CSMD1: variants seen among roughly 807,000 people sequenced by gnomAD.
CSMD1 encodes CUB and sushi domain-containing protein 1.
A neutral mutation model predicts 417.5 loss-of-function variants in CSMD1; 213 were observed. That is an observed-to-expected ratio of 0.51 (90% confidence interval 0.46 to 0.57). The LOEUF (loss-of-function observed/expected upper bound fraction) is 0.57, where lower values mean the gene tolerates loss of function less well. Among genes scored for constraint, CSMD1 ranks in the 20% least tolerant of loss-of-function variants. The pLI is 0.00. For synonymous variants in CSMD1, 2,862 were observed against 1,736.8 expected (o/e 1.65, Z -16.11); for missense variants, 6,923 against 4,529.7 (o/e 1.53, Z -15.17).
At chr8:4,247,178 T>TA (rs1338808216) in intron 3 of CSMD1, among the ~76,000 whole-genome samples, 3 of 152,222 alleles carry the variant, frequency 2.0e-5, no homozygotes, top group African/African-American at 4.8e-5. Flanking sequence ...TTATGCTCTA[T>TA]AACACAGTTT....
intron 5 of CSMD1, among the ~76,000 whole-genome samples, chr8:3,805,663 T>A (rs1279028928): frequency 6.6e-6 from 1 of 152,010 alleles, no homozygotes; most frequent in Non-Finnish European, 1.5e-5. Flanking sequence ...GCAAGTTGGG[T>A]ATTTGATTGT....
chr8:4,091,966 TCTG>T (rs1800745582), intron 3 of CSMD1, among the ~76,000 whole-genome samples: 1 of 152,180 alleles, frequency 6.6e-6, no homozygotes, highest in Non-Finnish European at 1.5e-5. Context: ...CTCACGTAAC[TCTG>T]CTAAGACATT....
chr8:3,194,394 G>T (rs140056521), intron 33 of CSMD1, among the ~76,000 whole-genome samples: 2 of 135,586 alleles, frequency 1.5e-5, no homozygotes, highest in East Asian at 4.0e-4. Context: ...ATTTTCAGGA[G>T]ACCATCTGAT....
At chr8:4,263,403 A>G (rs1585121072) in intron 3 of CSMD1, among the ~76,000 whole-genome samples, 1 of 152,216 alleles carries the variant, frequency 6.6e-6, no homozygotes, top group Non-Finnish European at 1.5e-5. Flanking sequence ...CCACATTTCT[A>G]TTACATTCAG....
intron 10 of CSMD1, among the ~76,000 whole-genome samples, chr8:3,557,217 A>C (rs1293810220): frequency 6.6e-6 from 1 of 152,228 alleles, no homozygotes; most frequent in Non-Finnish European, 1.5e-5. Context: ...GTATTAGTAC[A>C]ACATATTTGG....
At chr8:4,464,309 G>A (rs345149) in intron 2 of CSMD1, among the ~76,000 whole-genome samples, 10 of 152,162 alleles carry the variant, frequency 6.6e-5, no homozygotes, top group Admixed American at 2.6e-4. Flanking sequence ...ATGGACAGAC[G>A]CTCTTCAACT....
intron 1 of CSMD1, among the ~76,000 whole-genome samples, chr8:4,687,215 T>C (rs1177539983): frequency 2.0e-5 from 3 of 152,158 alleles, no homozygotes; most frequent in Admixed American, 1.3e-4. Flanking sequence ...GGCTTTCTGA[T>C]GACTGCATCT....
intron 37 of CSMD1, among the ~76,000 whole-genome samples, chr8:3,164,651 G>A (rs1820101455): frequency 6.6e-6 from 1 of 152,154 alleles, no homozygotes; most frequent in Non-Finnish European, 1.5e-5. Flanking sequence ...TTTAACTACA[G>A]TCGGGAATAC....
chr8:4,116,205 G>A (rs1287675954), intron 3 of CSMD1, among the ~76,000 whole-genome samples: 1 of 151,816 alleles, frequency 6.6e-6, no homozygotes, highest in African/African-American at 2.4e-5. Flanking sequence ...TGTTGGCCAG[G>A]CTGGTCCTGA....
At chr8:3,548,073 A>C (rs1798751385) in intron 10 of CSMD1, among the ~76,000 whole-genome samples, 1 of 152,188 alleles carries the variant, frequency 6.6e-6, no homozygotes, top group Non-Finnish European at 1.5e-5. Flanking sequence ...ATTTTGACCA[A>C]AATAAATAGG....
intron 12 of CSMD1, among the ~76,000 whole-genome samples, chr8:3,435,880 G>A (rs1055180546): frequency 1.3e-5 from 2 of 152,344 alleles, no homozygotes; most frequent in Admixed American, 6.5e-5. Flanking sequence ...CTGCCCCACT[G>A]GAAAGATCTT....
chr8:4,333,188 C>A (rs768410772), intron 3 of CSMD1, among the ~76,000 whole-genome samples: 9 of 152,112 alleles, frequency 5.9e-5, no homozygotes, highest in Non-Finnish European at 8.8e-5. Flanking sequence ...GTTGGGATAT[C>A]ATGCCACTCA....
intron 2 of CSMD1, among the ~76,000 whole-genome samples, chr8:4,565,790 ATATATATG>A (rs1460596364): frequency 3.5e-4 from 26 of 73,292 alleles, no homozygotes; most frequent in African/African-American, 7.7e-4. Context: ...ATATATATAT[ATATATATG>A]TATACATATA....
intron 1 of CSMD1, among the ~76,000 whole-genome samples, chr8:4,773,155 G>C (rs1796682109): frequency 6.6e-6 from 1 of 152,110 alleles, no homozygotes; most frequent in Admixed American, 6.6e-5. Context: ...TAAAGTATCA[G>C]AAATCTGAAA....
intron 5 of CSMD1, among the ~76,000 whole-genome samples, chr8:3,848,086 TC>T (rs1803635459): frequency 6.9e-6 from 1 of 144,804 alleles, no homozygotes. Flanking sequence ...TCTCTCTCTC[TC>T]TCTAAATATA....
At chr8:3,121,155 C>T (rs142899558) in intron 41 of CSMD1, among the ~76,000 whole-genome samples, 2 of 151,972 alleles carry the variant, frequency 1.3e-5, no homozygotes, top group African/African-American at 4.8e-5. Flanking sequence ...TCAATAGTCA[C>T]AGATTGTATA....
At chr8:3,965,220 T>G (rs147598037) in intron 5 of CSMD1, among the ~76,000 whole-genome samples, 91 of 152,310 alleles carry the variant, frequency 6.0e-4, no homozygotes, top group African/African-American at 2.1e-3. Flanking sequence ...GGGGCTGAAC[T>G]TGAACAGAGA....
intron 46 of CSMD1, among the ~76,000 whole-genome samples, chr8:3,105,086 A>G (rs1816039332): frequency 6.6e-6 from 1 of 152,264 alleles, no homozygotes; most frequent in African/African-American, 2.4e-5. Flanking sequence ...TTTTGCAAAG[A>G]AAACTTCCAT....
chr8:3,312,406 A>ATAAC (rs2117422606), intron 23 of CSMD1, among the ~76,000 whole-genome samples: 1 of 152,280 alleles, frequency 6.6e-6, no homozygotes, highest in South Asian at 2.1e-4. Context: ...AAAAAGCTCT[A>ATAAC]TAACTTAAAG....
Sources: allele counts gnomAD v4.1 joint callset (sites outside exome capture counted in the v4.1 genomes callset), GRCh38; gene constraint gnomAD v4.1.1; transcripts MANE v1.5; gene names NCBI Gene and HGNC (gene_info 2026-07-23, HGNC 2026-07-21).